The following FLT1 variants were observed in gnomAD, a reference collection of about 807,000 sequenced individuals.
FLT1 encodes fms related receptor tyrosine kinase 1.
FLT1 carries 49 observed loss-of-function variants against 156.3 expected under a neutral mutation model. The ratio of observed to expected loss-of-function variants is 0.31; its 90% CI spans 0.25 to 0.40. The LOEUF is 0.40. Ranked by LOEUF, FLT1 falls within the 10% of genes least tolerant of loss-of-function variation. The pLI, the probability that FLT1 is intolerant of heterozygous loss-of-function variation, is 1.00. For missense variants in FLT1, 1,322 were observed against 1,637.2 expected (o/e 0.81, Z 3.32); for synonymous variants, 594 against 583.8 (o/e 1.02, Z -0.25).
At chr13:28,432,196 A>G (rs892820552) in intron 6 of FLT1, among the ~76,000 whole-genome samples, 31 of 151,792 alleles carry the variant, frequency 2.0e-4, no homozygotes, top group African/African-American at 7.3e-4. Context: ...GGCGGAGGGG[A>G]GGAGCATGGA....
At chr13:28,319,597 T>C in intron 23 of FLT1, 63 bp from the exon 24 acceptor site, 2 of 928,148 alleles carry the variant, frequency 2.2e-6, no homozygotes, top group South Asian at 2.7e-5. Context: ...TCAACCCGAG[T>C]GTCCATGGGG....
At chr13:28,493,653 G>C (rs779920446) in intron 1 of FLT1, among the ~76,000 whole-genome samples, 5 of 152,050 alleles carry the variant, frequency 3.3e-5, no homozygotes, top group Non-Finnish European at 5.9e-5. Flanking sequence ...AAAGAAAGGC[G>C]CTCCGAAATC....
intron 10 of FLT1, among the ~76,000 whole-genome samples, chr13:28,413,793 T>C (rs1876473712): frequency 6.6e-6 from 1 of 152,148 alleles, no homozygotes; most frequent in Non-Finnish European, 1.5e-5. Context: ...TCCAGAAAGC[T>C]TTTGGGAGTG....
In FLT1 at chr13:28,467,119, C is replaced by T; in HGVS notation, c.172G>A (p.Ala58Thr). ...ATTTCAGGCAAAGACCATTTATGGG[C>T]TGCTTCCCCCCTGCAATCACAGATA... Reference protein sequence around the residue: ...TLHLQCRGEAAHKWSLPEMVS... With the variant: ...TLHLQCRGEATHKWSLPEMVS... The change falls in exon 3 of 30, where the codon GCC becomes ACC. Residue 58 changes from alanine to threonine, a missense_variant. By Grantham distance (58) the Ala-to-Thr change is moderately conservative. Around this residue, in one of 3 missense-constraint regions of FLT1, gnomAD observed 991 missense variants for 1,254.8 expected, o/e 0.79. Coordinates refer to ENST00000282397, the MANE Select transcript of FLT1 (RefSeq NM_002019.4). 6.2e-7 allele frequency: 1 copy of T among 1,613,244 alleles called. No homozygotes were observed. The highest frequency in any genetic ancestry group is 8.5e-7 in the Non-Finnish European group (1 of 1,179,524).
At chr13:28,325,412 A>G in intron 20 of FLT1, among the ~76,000 whole-genome samples, 1 of 152,120 alleles carries the variant, frequency 6.6e-6, no homozygotes, top group Non-Finnish European at 1.5e-5. Flanking sequence ...TTCTGACTTC[A>G]CCTCATGGTA....
At chr13:28,360,875 G>A (rs561161156) in intron 14 of FLT1, among the ~76,000 whole-genome samples, 1 of 152,306 alleles carries the variant, frequency 6.6e-6, no homozygotes, top group Non-Finnish European at 1.5e-5. Flanking sequence ...TTGAGCTGAT[G>A]GGTATGCTAA....
chr13:28,455,598 C>G (rs985022582), intron 3 of FLT1, among the ~76,000 whole-genome samples: 1 of 152,086 alleles, frequency 6.6e-6, no homozygotes, highest in Non-Finnish European at 1.5e-5. Context: ...TTTTTAGATG[C>G]AACACTAAAG....
At chr13:28,492,063 T>A (rs530553246) in intron 1 of FLT1, among the ~76,000 whole-genome samples, 7 of 152,012 alleles carry the variant, frequency 4.6e-5, no homozygotes, top group Admixed American at 6.5e-5. Flanking sequence ...ATATTTCGAA[T>A]ATGCAATTTA....
At chr13:28,470,933 C>T (rs918085736) in intron 1 of FLT1, among the ~76,000 whole-genome samples, 5 of 152,060 alleles carry the variant, frequency 3.3e-5, no homozygotes, top group African/African-American at 4.8e-5. Context: ...TCAGGTGATC[C>T]GCCCACCTCG....
intron 8 of FLT1, among the ~76,000 whole-genome samples, chr13:28,428,400 G>C (rs1191135810): frequency 6.6e-6 from 1 of 151,816 alleles, no homozygotes; most frequent in Non-Finnish European, 1.5e-5. Context: ...GGTCACACCA[G>C]TTGTCCCTTT....
intron 16 of FLT1, among the ~76,000 whole-genome samples, 153 bp downstream of exon 16, chr13:28,345,292 T>C (rs900603424): frequency 3.9e-5 from 6 of 152,142 alleles, no homozygotes; most frequent in African/African-American, 1.4e-4. Flanking sequence ...ATTTTGATGA[T>C]TTATTTTCTT....
intron 3 of FLT1, among the ~76,000 whole-genome samples, chr13:28,450,520 G>T (rs1878872728): frequency 6.6e-6 from 1 of 151,914 alleles, no homozygotes; most frequent in Non-Finnish European, 1.5e-5. Flanking sequence ...GAGAAGGGAA[G>T]GAGGGAGGAA....
intron 15 of FLT1, among the ~76,000 whole-genome samples, chr13:28,346,712 AAG>A (rs1196840621): frequency 6.6e-6 from 1 of 152,178 alleles, no homozygotes; most frequent in African/African-American, 2.4e-5. Flanking sequence ...CTGGTCTCAA[AAG>A]AGAGAGGGAG....
chr13:28,343,189 G>C (rs1368546579), intron 16 of FLT1, among the ~76,000 whole-genome samples: 1 of 152,108 alleles, frequency 6.6e-6, no homozygotes, highest in Non-Finnish European at 1.5e-5. Flanking sequence ...CACCATGTTG[G>C]CCAGGCTGGT....
chr13:28,330,594 A>ATATATATATATAACATATATATAT, intron 18 of FLT1, among the ~76,000 whole-genome samples: 1 of 144,362 alleles, frequency 6.9e-6, no homozygotes, highest in African/African-American at 2.7e-5. Flanking sequence ...GGTCCTATAT[A>ATATATATATATAACATATATATAT]TATATATATA....
At chr13:28,452,222 G>A (rs978533498) in intron 3 of FLT1, among the ~76,000 whole-genome samples, 30 of 152,128 alleles carry the variant, frequency 2.0e-4, no homozygotes, top group Admixed American at 1.5e-3. Flanking sequence ...GGGAGCCCAG[G>A]CAAGGACACG....
intron 13 of FLT1, chr13:28,387,622 G>A (rs567683352): frequency 1.7e-5 from 18 of 1,064,690 alleles, no homozygotes; most frequent in African/African-American, 6.6e-5. Flanking sequence ...TCTATCCTCC[G>A]TTTGGAATGG....
chr13:28,398,945 T>G, intron 11 of FLT1: 1 of 808,220 alleles, frequency 1.2e-6, no homozygotes, highest in South Asian at 1.5e-5. Context: ...AGCTCAGGTG[T>G]CCCTTTTCTT....
At chr13:28,457,929 T>TTTTC (rs1174357215) in intron 3 of FLT1, among the ~76,000 whole-genome samples, 1 of 136,216 alleles carries the variant, frequency 7.3e-6, no homozygotes, top group Non-Finnish European at 1.5e-5. Context: ...TTTTCTTTCC[T>TTTTC]TTTCTTTTTT....
Sources: allele counts gnomAD v4.1 joint callset (sites outside exome capture counted in the v4.1 genomes callset), GRCh38; gene constraint gnomAD v4.1.1; regional missense constraint gnomAD v4.1.1; transcripts MANE v1.5; gene names NCBI Gene and HGNC (gene_info 2026-07-23, HGNC 2026-07-21).